SDCCAG8: variants seen among roughly 807,000 people sequenced by gnomAD.
SDCCAG8 encodes SHH signaling and ciliogenesis regulator SDCCAG8, also known as serologically defined colon cancer antigen 8.
SDCCAG8 carries 74 observed loss-of-function variants against 101.8 expected under a neutral mutation model. The ratio of observed to expected loss-of-function variants is 0.73; its 90% confidence interval spans 0.60 to 0.88. The LOEUF (loss-of-function observed/expected upper bound fraction) is 0.88, where lower values mean the gene tolerates loss of function less well. Ranked by LOEUF, SDCCAG8 falls within the 40% of genes least tolerant of loss-of-function variation. The pLI, the probability that SDCCAG8 is intolerant of heterozygous loss-of-function variation, is 0.00. For synonymous variants in SDCCAG8, 281 were observed against 292.9 expected, an observed-to-expected ratio of 0.96 and a Z score of 0.41; for missense variants, 787 against 822.6, an observed-to-expected ratio of 0.96 and a Z score of 0.53.
In SDCCAG8 at chr1:243,500,018, A is replaced by AGTT. The variant is rs1306228365; in HGVS notation, c.*234_*236dup. The AGTT allele has an allele frequency of 8.6e-6, 5 of 583,948 alleles. No homozygotes were observed. Among genetic ancestry groups the AGTT allele is most frequent in the East Asian group, 5.6e-5 (2 of 35,956 alleles). The allele number at this position is 583,948 out of a possible 1,614,324, so 36.2% of individuals were successfully genotyped here. A position where few individuals can be genotyped will look rare whatever the true frequency, so the allele number is the denominator to read the frequency against. ...GTGTATGTTTTCAGAAATGGCTTGA[A>AGTT]GTTATGTGTTTAAATCTGCTCATTC... On this transcript the variant is annotated 3_prime_UTR_variant, in exon 18 of 18. Coordinates refer to ENST00000366541, the MANE Select transcript of SDCCAG8 (RefSeq NM_006642.5).
chr1:243,487,841 C>G (rs931407986), intron 16 of SDCCAG8: 1 of 152,620 alleles, frequency 6.6e-6, no homozygotes, highest in African/African-American at 2.4e-5. Context: ...CCCGCAGACC[C>G]GGACAACGCT....
intron 13 of SDCCAG8, among the ~76,000 whole-genome samples, chr1:243,389,306 G>C (rs2078549416): frequency 6.6e-6 from 1 of 152,184 alleles, no homozygotes. Flanking sequence ...TAAGTCCAAA[G>C]AGGCATCATC....
chr1:243,320,058 T>G (rs1405222547), intron 9 of SDCCAG8, among the ~76,000 whole-genome samples: 1 of 152,182 alleles, frequency 6.6e-6, no homozygotes, highest in African/African-American at 2.4e-5. Flanking sequence ...AACTCACACA[T>G]TCACTCTCCC....
At chr1:243,432,876 T>A (rs549945494) in intron 16 of SDCCAG8, among the ~76,000 whole-genome samples, 1 of 152,314 alleles carries the variant, frequency 6.6e-6, no homozygotes, top group Admixed American at 6.5e-5. Flanking sequence ...AAAAAGTTCC[T>A]CTTTATTATA....
In SDCCAG8 at chr1:243,271,480, G is replaced by A. The variant is rs116082123; in HGVS notation, c.306+417G>A. Among the ~76,000 whole-genome samples, 582 of 151,492 alleles carry A rather than the reference G, an allele frequency of 3.8e-3. 3 individuals carry two copies. The highest frequency in any genetic ancestry group is 0.013 in the African/African-American group (541 of 41,384). ...TTTTAGAAGTTACTTAATTATAATT[G>A]TAGCCCTACTTTGTAATATTTTTTA... is the stretch of plus-strand genomic sequence containing the variant. On this transcript the variant is annotated intron_variant, in intron 3 of 17. Coordinates refer to ENST00000366541, the MANE Select transcript of SDCCAG8 (RefSeq NM_006642.5).
intron 13 of SDCCAG8, among the ~76,000 whole-genome samples, chr1:243,412,068 A>G (rs1455433642): frequency 2.6e-5 from 4 of 152,090 alleles, no homozygotes; most frequent in East Asian, 1.9e-4. Context: ...TTTGCCATCT[A>G]CTTTCTGTTT....
chr1:243,341,293 T>A, intron 11 of SDCCAG8, 120 bp downstream of exon 11: 5 of 1,115,210 alleles, frequency 4.5e-6, no homozygotes, highest in Non-Finnish European at 6.5e-6. Context: ...AAAAGTTTTG[T>A]GATTTCAAGA....
intron 13 of SDCCAG8, among the ~76,000 whole-genome samples, chr1:243,403,974 G>A (rs753453163): frequency 2.0e-5 from 3 of 152,190 alleles, no homozygotes; most frequent in Admixed American, 6.5e-5. Flanking sequence ...TGCCAAAAAG[G>A]CTGGGGACCA....
chr1:243,318,363 G>A (rs2073448481), intron 9 of SDCCAG8: 1 of 155,322 alleles, frequency 6.4e-6, no homozygotes, highest in Admixed American at 6.5e-5. Flanking sequence ...GAGGATATAG[G>A]GTGGGAGCAG....
At chr1:243,300,912 T>G (rs1023146147) in intron 6 of SDCCAG8, among the ~76,000 whole-genome samples, 20 of 152,168 alleles carry the variant, frequency 1.3e-4, no homozygotes, top group African/African-American at 4.8e-4. Context: ...TTTTTGAGAT[T>G]TGTGGCAATT....
At chr1:243,443,855 T>C (rs77509857) in intron 16 of SDCCAG8, among the ~76,000 whole-genome samples, 5,941 of 152,232 alleles carry the variant, frequency 0.039, 174 homozygotes, top group South Asian at 0.12. Context: ...GTAGACTTAC[T>C]ATTTTTATTA....
chr1:243,274,027 G>T (rs1391048048), intron 3 of SDCCAG8, among the ~76,000 whole-genome samples: 1 of 152,164 alleles, frequency 6.6e-6, no homozygotes, highest in African/African-American at 2.4e-5. Context: ...CTGAGGCTGG[G>T]TAATTTATTT....
At chr1:243,374,704 C>T (rs966175968) in intron 12 of SDCCAG8, among the ~76,000 whole-genome samples, 41 of 151,860 alleles carry the variant, frequency 2.7e-4, no homozygotes, top group African/African-American at 8.9e-4. Flanking sequence ...GATTGTACTT[C>T]GACCAAAAAA....
chr1:243,355,900 G>A (rs532209866), intron 12 of SDCCAG8, among the ~76,000 whole-genome samples: 5 of 152,132 alleles, frequency 3.3e-5, no homozygotes, highest in Admixed American at 6.5e-5. Flanking sequence ...CTGGGCCACC[G>A]CACCTGGTGT....
chr1:243,298,195 C>T (rs2071138460), intron 6 of SDCCAG8, among the ~76,000 whole-genome samples: 2 of 151,636 alleles, frequency 1.3e-5, no homozygotes, highest in South Asian at 2.1e-4. Flanking sequence ...ATTACGGGCG[C>T]ATGCCACCAT....
chr1:243,280,651 A>G (rs1264601146), intron 4 of SDCCAG8, among the ~76,000 whole-genome samples: 4 of 152,238 alleles, frequency 2.6e-5, no homozygotes, highest in Non-Finnish European at 5.9e-5. Flanking sequence ...AAATATTTCT[A>G]AATGGCTCTT....
chr1:243,437,828 G>C (rs931199329), intron 16 of SDCCAG8, among the ~76,000 whole-genome samples: 8 of 152,164 alleles, frequency 5.3e-5, no homozygotes, highest in African/African-American at 1.4e-4. Flanking sequence ...GTGAGCCACC[G>C]CGTCCGGCCA....
chr1:243,461,691 A>C (rs1659136136), intron 16 of SDCCAG8, among the ~76,000 whole-genome samples: 1 of 151,988 alleles, frequency 6.6e-6, no homozygotes, highest in South Asian at 2.1e-4. Flanking sequence ...AGTCTGTTTC[A>C]TTTTCATCCC....
chr1:243,442,593 T>A (rs938131288), intron 16 of SDCCAG8, among the ~76,000 whole-genome samples: 1 of 150,692 alleles, frequency 6.6e-6, no homozygotes, highest in African/African-American at 2.4e-5. Context: ...GATAACCTAA[T>A]CTGTAGGGAA....
Sources: allele counts gnomAD v4.1 joint callset (sites outside exome capture counted in the v4.1 genomes callset), GRCh38; gene constraint gnomAD v4.1.1; transcripts MANE v1.5; gene names NCBI Gene and HGNC (gene_info 2026-07-23, HGNC 2026-07-21).